The following PARD3 variants were observed in gnomAD, a reference collection of about 807,000 sequenced individuals.
PARD3 encodes the protein partitioning defective 3 homolog.
Under a neutral mutation model 155.4 loss-of-function variants are expected in PARD3, and 75 were observed. That is an observed-to-expected ratio of 0.48 (90% confidence interval 0.40 to 0.58). PARD3 has a LOEUF of 0.58. Ranked by LOEUF, PARD3 falls within the 20% of genes least tolerant of loss-of-function variation. The pLI is 0.00. For synonymous variants in PARD3, 576 were observed against 610.5 expected (o/e 0.94, Z 0.83); for missense variants, 1,642 against 1,721.7 (o/e 0.95, Z 0.82).
intron 3 of PARD3, among the ~76,000 whole-genome samples, chr10:34,511,955 T>G (rs1186480834): frequency 6.6e-6 from 1 of 152,190 alleles, no homozygotes; most frequent in Non-Finnish European, 1.5e-5. Flanking sequence ...GTTAATTTTA[T>G]CTTTCTTTGA....
chr10:34,405,600 C>T (rs1046492413), intron 5 of PARD3, among the ~76,000 whole-genome samples: 2 of 152,094 alleles, frequency 1.3e-5, no homozygotes, highest in Admixed American at 6.6e-5. Context: ...TGGTTGAAGA[C>T]ATTTTCAGAG....
chr10:34,318,877 T>G (rs1165374977), intron 19 of PARD3, among the ~76,000 whole-genome samples: 1 of 152,016 alleles, frequency 6.6e-6, no homozygotes, highest in Non-Finnish European at 1.5e-5. Flanking sequence ...GCCATTCTCC[T>G]GCCTCAGCCT....
intron 2 of PARD3, among the ~76,000 whole-genome samples, chr10:34,657,642 G>T (rs1306913731): frequency 6.6e-6 from 1 of 152,116 alleles, no homozygotes; most frequent in Non-Finnish European, 1.5e-5. Context: ...GGGTTCAAGT[G>T]ATTCTCCTGT....
intron 14 of PARD3, among the ~76,000 whole-genome samples, chr10:34,356,562 G>A (rs1224812120): frequency 2.6e-5 from 4 of 152,148 alleles, no homozygotes; most frequent in African/African-American, 7.2e-5. Context: ...GCAAAGACTG[G>A]ACTATACAGC....
chr10:34,704,267 C>T (rs1009683089), intron 1 of PARD3, among the ~76,000 whole-genome samples: 6 of 152,144 alleles, frequency 3.9e-5, no homozygotes. Context: ...AAAAACATTC[C>T]TCATTTCAGG....
At chr10:34,556,747 C>A (rs1297435798) in intron 2 of PARD3, among the ~76,000 whole-genome samples, 1 of 152,046 alleles carries the variant, frequency 6.6e-6, no homozygotes, top group Non-Finnish European at 1.5e-5. Flanking sequence ...CATGTCTGTT[C>A]CAGTCATGAA....
In PARD3 at chr10:34,110,990, A is replaced by C; in HGVS notation, c.*179T>G. 1 of 570,040 alleles carries C rather than the reference A, an allele frequency of 1.8e-6. No individual in the cohort carries two copies. Among genetic ancestry groups the C allele is most frequent in the South Asian group, 3.6e-5 (1 of 27,684 alleles). The allele number at this position is 570,040 out of a possible 1,614,324, so 35.3% of individuals were successfully genotyped here. On this transcript the variant is annotated 3_prime_UTR_variant, in exon 25 of 25. Coordinates refer to ENST00000374788, the MANE Select transcript of PARD3 (RefSeq NM_001184785.2). ...TCCTTCCATGAAACAGACACTTGAG[A>C]CATAGTGGCAAAGACATTAAGGCCT...
At chr10:34,378,988 GATA>G (rs1278858603) in intron 9 of PARD3, among the ~76,000 whole-genome samples, 4 of 152,220 alleles carry the variant, frequency 2.6e-5, no homozygotes, top group Admixed American at 2.6e-4. Context: ...AAACTGGGGA[GATA>G]ATGATACATT....
chr10:34,527,029 T>C (rs1165468633), intron 2 of PARD3, among the ~76,000 whole-genome samples: 1 of 152,244 alleles, frequency 6.6e-6, no homozygotes, highest in African/African-American at 2.4e-5. Context: ...AAACTTTTCA[T>C]TCTAAAATAG....
chr10:34,241,844 A>T (rs1050590735), intron 22 of PARD3, among the ~76,000 whole-genome samples: 1 of 152,202 alleles, frequency 6.6e-6, no homozygotes, highest in Non-Finnish European at 1.5e-5. Context: ...CGTCATCAGT[A>T]CTTCAACACT....
At chr10:34,487,772 A>G (rs2079574822) in intron 3 of PARD3, among the ~76,000 whole-genome samples, 1 of 152,210 alleles carries the variant, frequency 6.6e-6, no homozygotes. Context: ...TATCTGCACC[A>G]AATTCCTCAT....
At position 34,684,778 on chromosome 10, in the gene PARD3, TACACACACACACACACACACAC is replaced by T. The variant is rs3087285; in HGVS notation, c.222+11518_222+11539del. Among the ~76,000 whole-genome samples, 378 of 119,112 alleles carry T rather than the reference TACACACACACACACACACACAC, an allele frequency of 3.2e-3. 2 individuals are homozygous for T. The highest frequency in any genetic ancestry group is 0.022 in the South Asian group (69 of 3,080). 78.1% of individuals were successfully genotyped at this position (119,112 alleles called of 152,430 possible). A position where few individuals can be genotyped will look rare whatever the true frequency, so the allele number is the denominator to read the frequency against. On this transcript the variant is annotated intron_variant, in intron 2 of 24. Coordinates refer to ENST00000374788, the MANE Select transcript of PARD3 (RefSeq NM_001184785.2). ...TATAAGACTTTGGCTTGATGATACA[TACACACACACACACACACACAC>T]ACACACACACACACACACACACACA...
chr10:34,692,649 T>A (rs1011414344), intron 2 of PARD3, among the ~76,000 whole-genome samples: 10 of 151,926 alleles, frequency 6.6e-5, no homozygotes, highest in African/African-American at 2.4e-4. Context: ...CCAAGGAGGG[T>A]GGATCACCTG....
intron 22 of PARD3, among the ~76,000 whole-genome samples, chr10:34,147,823 C>T (rs1411471947): frequency 2.0e-5 from 3 of 152,026 alleles, no homozygotes; most frequent in Admixed American, 1.3e-4. Context: ...AGCTCTAGGG[C>T]CAAAGGTCAC....
intron 19 of PARD3, among the ~76,000 whole-genome samples, chr10:34,327,130 CATGGGGAGGAGAAG>C (rs1335596792): frequency 6.6e-6 from 1 of 152,138 alleles, no homozygotes; most frequent in Non-Finnish European, 1.5e-5. Flanking sequence ...ACTGATTTAT[CATGGGGAGGAGAAG>C]TCGCTTGCTG....
chr10:34,814,194 G>C (rs1330731911), intron 1 of PARD3, among the ~76,000 whole-genome samples: 1 of 152,280 alleles, frequency 6.6e-6, no homozygotes, highest in East Asian at 1.9e-4. Flanking sequence ...CTCAGTAAAT[G>C]CTCGCAAGCG....
At position 34,372,395 on chromosome 10, in the gene PARD3, G is replaced by A. The variant is rs1260951368; in HGVS notation, c.1707+103C>T. On this transcript the variant is annotated intron_variant, in intron 12 of 24. Coordinates refer to ENST00000374788, the MANE Select transcript of PARD3 (RefSeq NM_001184785.2). Reference sequence around the variant, plus strand: ...TAAACCCATGTATTAAATATTACGAGCCAGGAAAAGGCAGGACAAGTAACT... The same window carrying A: ...TAAACCCATGTATTAAATATTACGAACCAGGAAAAGGCAGGACAAGTAACT... The A allele has an allele frequency of 8.9e-6, 8 of 896,154 alleles. No individual in the cohort carries two copies. The East Asian group carries it at 1.9e-4, about 22-fold the overall frequency. 55.5% of individuals were successfully genotyped at this position (896,154 alleles called of 1,614,324 possible).
chr10:34,617,590 T>C (rs1040397303), intron 2 of PARD3, among the ~76,000 whole-genome samples: 1 of 152,242 alleles, frequency 6.6e-6, no homozygotes, highest in African/African-American at 2.4e-5. Flanking sequence ...GCCATAAATA[T>C]GTATAATTTT....
chr10:34,349,752 A>ATTGTATT (rs1837839129), intron 14 of PARD3, among the ~76,000 whole-genome samples: 1 of 152,142 alleles, frequency 6.6e-6, no homozygotes, highest in Admixed American at 6.5e-5. Context: ...ATTTATCAAA[A>ATTGTATT]GACAGACAAC....
Sources: allele counts gnomAD v4.1 joint callset (sites outside exome capture counted in the v4.1 genomes callset), GRCh38; gene constraint gnomAD v4.1.1; transcripts MANE v1.5; gene names NCBI Gene and HGNC (gene_info 2026-07-23, HGNC 2026-07-21).